Variants in GABRG3 observed in about 807,000 individuals in gnomAD.
The protein encoded by GABRG3 is gamma-aminobutyric acid type A receptor subunit gamma3, also known as gamma-aminobutyric acid receptor subunit gamma-3.
A neutral mutation model predicts 48.8 loss-of-function variants in GABRG3; 25 were observed. The ratio of observed to expected loss-of-function variants is 0.51; its 90% CI spans 0.37 to 0.72. GABRG3 has a LOEUF of 0.72. GABRG3 is among the 30% of genes least tolerant of loss of function. The probability of loss-of-function intolerance (pLI) is 0.00; values close to 1 mark genes in which losing one functional copy is unlikely to be tolerated. For synonymous variants in GABRG3, 227 were observed against 217.6 expected, an observed-to-expected ratio of 1.04 and a Z score of -0.38; for missense variants, 394 against 577.9, an observed-to-expected ratio of 0.68 and a Z score of 3.26.
chr15:27,123,801 T>C, intron 3 of GABRG3, among the ~76,000 whole-genome samples: 1 of 151,968 alleles, frequency 6.6e-6, no homozygotes, highest in Non-Finnish European at 1.5e-5. Context: ...GCATTGCTGC[T>C]GTGTACAGCA....
intron 3 of GABRG3, among the ~76,000 whole-genome samples, chr15:27,186,769 A>T (rs1888111329): frequency 6.6e-6 from 1 of 151,996 alleles, no homozygotes; most frequent in African/African-American, 2.4e-5. Context: ...GATGTTGGGC[A>T]TTTTTTCACG....
chr15:27,492,507 A>C (rs1225709734), intron 6 of GABRG3, among the ~76,000 whole-genome samples: 1 of 152,128 alleles, frequency 6.6e-6, no homozygotes, highest in Non-Finnish European at 1.5e-5. Context: ...AGAGCAGTTG[A>C]GCCTGGAAGC....
At chr15:27,259,507 A>G (rs1005050468) in intron 3 of GABRG3, among the ~76,000 whole-genome samples, 1 of 152,170 alleles carries the variant, frequency 6.6e-6, no homozygotes, top group Non-Finnish European at 1.5e-5. Flanking sequence ...GAATGTGTCT[A>G]CTTGAGATGC....
chr15:27,095,104 C>T (rs528359677), intron 3 of GABRG3, among the ~76,000 whole-genome samples: 3 of 152,276 alleles, frequency 2.0e-5, no homozygotes, highest in East Asian at 1.9e-4. Flanking sequence ...TTCGCCACAC[C>T]GATGTCTCCC....
intron 5 of GABRG3, among the ~76,000 whole-genome samples, chr15:27,407,198 T>C (rs1437521059): frequency 6.6e-6 from 1 of 152,076 alleles, no homozygotes; most frequent in Non-Finnish European, 1.5e-5. Flanking sequence ...ATTGCTGAGA[T>C]TACAGGTGTG....
chr15:27,279,900 T>C (rs2140478872), intron 3 of GABRG3, among the ~76,000 whole-genome samples: 2 of 152,340 alleles, frequency 1.3e-5, no homozygotes, highest in South Asian at 4.1e-4. Context: ...GATGTCTTTC[T>C]GTTTATATCT....
intron 3 of GABRG3, among the ~76,000 whole-genome samples, chr15:27,111,451 T>A (rs1595530989): frequency 6.6e-6 from 1 of 152,340 alleles, no homozygotes; most frequent in South Asian, 2.1e-4. Context: ...ACTTTTTTAC[T>A]GAAATCCAGA....
At chr15:27,324,858 T>A (rs1893553020) in intron 3 of GABRG3, among the ~76,000 whole-genome samples, 1 of 152,228 alleles carries the variant, frequency 6.6e-6, no homozygotes, top group Non-Finnish European at 1.5e-5. Context: ...ATTTGGGCCC[T>A]ACAGCTTTCA....
intron 3 of GABRG3, among the ~76,000 whole-genome samples, chr15:27,308,906 G>T (rs1892880158): frequency 6.7e-6 from 1 of 149,932 alleles, no homozygotes; most frequent in Non-Finnish European, 1.5e-5. Flanking sequence ...TATGAAAACA[G>T]AATGTAAACA....
intron 2 of GABRG3, among the ~76,000 whole-genome samples, chr15:26,981,918 G>GT (rs1895062691): frequency 6.6e-6 from 1 of 152,214 alleles, no homozygotes; most frequent in South Asian, 2.1e-4. Flanking sequence ...ATCCATGTGT[G>GT]TAGTGTGGGA....
chr15:27,136,986 G>A (rs1370775385), intron 3 of GABRG3, among the ~76,000 whole-genome samples: 15 of 152,162 alleles, frequency 9.9e-5, no homozygotes, highest in Admixed American at 9.8e-4. Context: ...CACCAGGATG[G>A]ATGAGATGCT....
chr15:27,053,047 A>T (rs1318670086), intron 3 of GABRG3, among the ~76,000 whole-genome samples: 1 of 152,246 alleles, frequency 6.6e-6, no homozygotes, highest in Non-Finnish European at 1.5e-5. Flanking sequence ...TAAGACATCA[A>T]AATAACAAAA....
intron 5 of GABRG3, among the ~76,000 whole-genome samples, chr15:27,405,314 AATG>A (rs1887597449): frequency 6.6e-6 from 1 of 152,250 alleles, no homozygotes; most frequent in African/African-American, 2.4e-5. Flanking sequence ...ATCAGTAGAT[AATG>A]ATATGTTGCT....
intron 3 of GABRG3, among the ~76,000 whole-genome samples, chr15:27,252,035 G>C (rs1890473233): frequency 6.6e-6 from 1 of 152,348 alleles, no homozygotes; most frequent in South Asian, 2.1e-4. Context: ...GCTGGAAAAA[G>C]ATGGCCCTGA....
intron 6 of GABRG3, among the ~76,000 whole-genome samples, chr15:27,502,071 A>C (rs76200516): frequency 0.029 from 4,468 of 152,316 alleles, 214 homozygotes; most frequent in African/African-American, 0.1. Context: ...AAGTAAGGTC[A>C]AGCTCAAGGT....
intron 2 of GABRG3, among the ~76,000 whole-genome samples, chr15:26,979,730 C>T (rs2140636805): frequency 6.6e-6 from 1 of 152,230 alleles, no homozygotes; most frequent in South Asian, 2.1e-4. Flanking sequence ...CCCACTTAGT[C>T]ATGGTGTTTA....
At chr15:27,020,978 G>A (rs1377851923) in intron 2 of GABRG3, among the ~76,000 whole-genome samples, 1 of 152,116 alleles carries the variant, frequency 6.6e-6, no homozygotes, top group Non-Finnish European at 1.5e-5. Flanking sequence ...ACAGTGCTAG[G>A]TAATCGGTAA....
At position 27,480,720 on chromosome 15, in the gene GABRG3, A is replaced by T. The variant is rs1458658381; in HGVS notation, c.645A>T (p.Ser215=). Residue 215 remains serine (S), a synonymous_variant, in exon 6 of 10, where the codon TCA becomes TCT. Coordinates refer to ENST00000615808, the MANE Select transcript of GABRG3 (RefSeq NM_033223.5). The stretch of plus-strand genomic sequence containing the variant: ...CAGTGGAGGCAGCTGACCAGAAATC[A>T]TGGCGGCTTTATCAGTTTGACTTCA... The part of the protein sequence containing the change: ...KNSVEAADQK[S]WRLYQFDFMG... The T allele has an allele frequency of 6.2e-7, 1 of 1,613,638 alleles. No individual in the cohort carries two copies.
chr15:27,541,844 G>A lies in GABRG3; in HGVS notation c.*8963G>A, dbSNP rs964226384. On this transcript the variant is annotated 3_prime_UTR_variant, in exon 10 of 10. Transcript: ENST00000615808. ...GGCGCCCGACGTGCCTTGGCGACAC[G>A]GGCGGCGCCGCGCCCCGCTTCGTGC... is the stretch of plus-strand genomic sequence containing the variant. 1.3e-5 allele frequency: 2 copies of A among 152,154 alleles called. No homozygotes were observed. The highest frequency in any genetic ancestry group is 1.3e-4 in the Admixed American group (2 of 15,282). The allele number at this position is 152,154 out of a possible 1,614,324, so 9.4% of individuals were successfully genotyped here. A position where few individuals can be genotyped will look rare whatever the true frequency, so the allele number is the denominator to read the frequency against.
Sources: gnomAD v4.1 joint callset for allele counts (sites outside exome capture counted in the v4.1 genomes callset) on GRCh38, gnomAD v4.1.1 for gene constraint, MANE v1.5 for transcripts, NCBI Gene and HGNC (gene_info 2026-07-23, HGNC 2026-07-21) for gene names.